Variants in METTL24 observed in about 807,000 individuals in gnomAD.
METTL24 encodes the protein probable methyltransferase-like protein 24.
A neutral mutation model predicts 32.7 loss-of-function variants in METTL24; 29 were observed. The ratio of observed to expected loss-of-function variants is 0.89; its 90% CI spans 0.66 to 1.21. METTL24 has a LOEUF of 1.21. METTL24 is among the 50% of genes most tolerant of loss of function. The pLI is 0.00. For missense variants in METTL24, 439 were observed against 468.1 expected (o/e 0.94, Z 0.57); for synonymous variants, 163 against 179.5 (o/e 0.91, Z 0.73).
Position 110,246,191 on chromosome 6 carries a change from C to T in METTL24, c.856G>A (p.Val286Ile), listed in dbSNP as rs775287272. The change falls in exon 5 of 5, where the codon GTT becomes ATT. Residue 286 changes from valine to isoleucine, a missense_variant. Transcript: ENST00000338882. ...ATGAGCTGTCCAATCTGCTCAAGAA[C>T]ATCTTCCAGAATAAGATTTTCCAAA... is the stretch of plus-strand genomic sequence containing the variant. Reference protein sequence around the residue: ...KVLENLILEDVLEQIGQLIFE... With the variant: ...KVLENLILEDILEQIGQLIFE... The T allele has an allele frequency of 1.9e-6, 3 of 1,614,150 alleles. No homozygotes were observed.
intron 4 of METTL24, among the ~76,000 whole-genome samples, chr6:110,271,313 T>C (rs866886161): frequency 6.6e-6 from 1 of 152,020 alleles, no homozygotes; most frequent in Non-Finnish European, 1.5e-5. Flanking sequence ...TTTTCTTTTT[T>C]GAGATAGGGT....
chr6:110,292,533 A>T (rs774454685), intron 4 of METTL24, among the ~76,000 whole-genome samples: 2 of 151,510 alleles, frequency 1.3e-5, no homozygotes, highest in Non-Finnish European at 2.9e-5. Context: ...TTTTTTAATG[A>T]TTTGTTGAAG....
intron 3 of METTL24, among the ~76,000 whole-genome samples, chr6:110,302,628 CA>C (rs1436303478): frequency 7.8e-6 from 1 of 128,970 alleles, no homozygotes; most frequent in African/African-American, 3.8e-5. Context: ...TATATATACA[CA>C]TATACACACA....
chr6:110,345,137 A>G (rs1199539789), intron 1 of METTL24, among the ~76,000 whole-genome samples: 1 of 152,248 alleles, frequency 6.6e-6, no homozygotes, highest in Non-Finnish European at 1.5e-5. Context: ...CATTTCTCTA[A>G]AGAAGATTTA....
rs975634472 is a variant in METTL24, at chr6:110,335,000, CT to C, written c.319-12129del. 2.4e-3 allele frequency among the ~76,000 whole-genome samples: 372 copies of C among 152,298 alleles called. 3 individuals carry two copies. Among genetic ancestry groups the C allele is most frequent in the African/African-American group, 8.7e-3 (363 of 41,568 alleles). ...GTTAGGAGAAGCCACATAAAAGCTT[CT>C]TTTGAATCTCTGGGAAGCTGCCACC... On this transcript the variant is annotated intron_variant, in intron 1 of 4. Transcript: ENST00000338882.
chr6:110,265,157 GA>G (rs1770829818), intron 4 of METTL24, among the ~76,000 whole-genome samples: 1 of 143,370 alleles, frequency 7.0e-6, no homozygotes, highest in Non-Finnish European at 1.5e-5. Flanking sequence ...AAGAAAGAAA[GA>G]AAGAAAGAAA....
chr6:110,357,114 G>A (rs1265071652), intron 1 of METTL24, among the ~76,000 whole-genome samples: 1 of 152,200 alleles, frequency 6.6e-6, no homozygotes, highest in Non-Finnish European at 1.5e-5. Flanking sequence ...GGTTGAGGCT[G>A]GAAGCAGGAG....
At chr6:110,310,506 T>C (rs976001307) in intron 3 of METTL24, among the ~76,000 whole-genome samples, 8 of 152,188 alleles carry the variant, frequency 5.3e-5, no homozygotes, top group Admixed American at 3.3e-4. Context: ...AGTTATTATG[T>C]AGATGATATT....
intron 1 of METTL24, among the ~76,000 whole-genome samples, chr6:110,330,868 C>G (rs988772661): frequency 3.7e-4 from 56 of 152,182 alleles, no homozygotes; most frequent in Admixed American, 3.7e-3. Context: ...TTTCAGGATA[C>G]AGTCCCAAAC....
chr6:110,251,500 T>C lies in METTL24; in HGVS notation c.787-5240A>G, dbSNP rs527834449. 4.4e-4 allele frequency among the ~76,000 whole-genome samples: 67 copies of C among 152,306 alleles called. 2 individuals carry two copies. Among genetic ancestry groups the C allele is most frequent in the African/African-American group, 1.5e-3 (64 of 41,566 alleles). On this transcript the variant is annotated intron_variant, in intron 4 of 4. Coordinates refer to ENST00000338882, the MANE Select transcript of METTL24 (RefSeq NM_001123364.3). ...ATAAATAGGACAAGTAAAGTAAATA[T>C]TTGTAAGTCTTAGTTAGATATTGTA...
intron 4 of METTL24, among the ~76,000 whole-genome samples, chr6:110,297,331 T>C (rs1357546499): frequency 6.6e-6 from 1 of 152,190 alleles, no homozygotes; most frequent in Non-Finnish European, 1.5e-5. Context: ...ATTAGATAAA[T>C]TATATCCGCA....
intron 4 of METTL24, among the ~76,000 whole-genome samples, chr6:110,253,518 C>A (rs1400993739): frequency 6.6e-6 from 1 of 152,068 alleles, no homozygotes. Flanking sequence ...ACTATATATT[C>A]TAAAGCTGTG....
At chr6:110,259,266 C>T (rs1012186168) in intron 4 of METTL24, among the ~76,000 whole-genome samples, 1 of 152,170 alleles carries the variant, frequency 6.6e-6, no homozygotes, top group Admixed American at 6.5e-5. Flanking sequence ...TCACTCCCAC[C>T]CTAATACTGA....
chr6:110,349,725 A>G (rs1206085190), intron 1 of METTL24, among the ~76,000 whole-genome samples: 2 of 152,224 alleles, frequency 1.3e-5, no homozygotes, highest in Non-Finnish European at 2.9e-5. Flanking sequence ...ATCTGTATTA[A>G]ATAGACCTAA....
At chr6:110,254,090 T>C (rs1778336234) in intron 4 of METTL24, 20 of 588,842 alleles carry the variant, frequency 3.4e-5, no homozygotes. Context: ...CTATCAATAA[T>C]TTATTCTTAA....
At chr6:110,272,606 T>C (rs112114457) in intron 4 of METTL24, among the ~76,000 whole-genome samples, 2,712 of 152,334 alleles carry the variant, frequency 0.018, 96 homozygotes, top group African/African-American at 0.061. Context: ...GTGTTCCCAT[T>C]TTACCACATT....
At chr6:110,296,030 GC>G (rs1771412332) in intron 4 of METTL24, among the ~76,000 whole-genome samples, 1 of 151,652 alleles carries the variant, frequency 6.6e-6, no homozygotes. Context: ...CAAATTGAGT[GC>G]CAGAGAGGTT....
intron 1 of METTL24, 62 bp from the exon 2 acceptor site, chr6:110,322,934 A>C (rs561614313): frequency 7.4e-7 from 1 of 1,354,402 alleles, no homozygotes; most frequent in South Asian, 1.2e-5. Context: ...GAGGAGAAGG[A>C]CACAGTATCA....
chr6:110,319,418 GAGATAGATAGAT>G (rs10659634), intron 2 of METTL24, among the ~76,000 whole-genome samples: 418 of 148,748 alleles, frequency 2.8e-3, no homozygotes, highest in African/African-American at 4.3e-3. Flanking sequence ...TAGAGAGGTA[GAGATAGATAGAT>G]AGATAGATAG....
Sources: gnomAD v4.1 joint callset for allele counts (sites outside exome capture counted in the v4.1 genomes callset) on GRCh38, gnomAD v4.1.1 for gene constraint, MANE v1.5 for transcripts, NCBI Gene and HGNC (gene_info 2026-07-23, HGNC 2026-07-21) for gene names.